PAX5: variants seen among roughly 807,000 people sequenced by gnomAD.
PAX5 encodes the protein paired box protein Pax-5.
A neutral mutation model predicts 43.7 loss-of-function variants in PAX5; 9 were observed. That is an observed-to-expected ratio of 0.21 (90% confidence interval 0.12 to 0.36). PAX5 has a LOEUF of 0.36. Among genes scored for constraint, PAX5 ranks in the 10% least tolerant of loss-of-function variants. The pLI is 1.00. For missense variants in PAX5, 383 were observed against 532.7 expected (o/e 0.72, Z 2.77); for synonymous variants, 228 against 214.3 (o/e 1.06, Z -0.56).
In PAX5 at chr9:36,852,817, T is replaced by C. The variant is rs548215401; in HGVS notation, c.1013-5888A>G. 5.9e-5 allele frequency among the ~76,000 whole-genome samples: 9 copies of C among 152,230 alleles called. No individual in the cohort carries two copies. In the South Asian group the frequency reaches 1.9e-3, roughly 32 times the overall value. The stretch of plus-strand genomic sequence containing the variant: ...ACTTTAGAGATACGTTCCCTCAACC[T>C]TTCCATCCCCAGGGTCTTCTAGCCA... On this transcript the variant is annotated intron_variant, in intron 8 of 9. Coordinates refer to ENST00000358127, the MANE Select transcript of PAX5 (RefSeq NM_016734.3).
At position 37,026,939 on chromosome 9, in the gene PAX5, C is replaced by A. The variant is rs149069315; in HGVS notation, c.47-6138G>T. Among the ~76,000 whole-genome samples the A allele has an allele frequency of 3.1e-3, 474 of 152,332 alleles. 1 individual carries two copies. The highest frequency in any genetic ancestry group is 0.018 in the East Asian group (95 of 5,168). On this transcript the variant is annotated intron_variant, in intron 1 of 9. Transcript: ENST00000358127. ...CGCCTCCGGGACAGCCAGCAGCCCC[C>A]GGCCCCAGGAAGGAGCAGCTTTGAG... is the stretch of plus-strand genomic sequence containing the variant.
chr9:36,856,988 G>T (rs1053794485), intron 8 of PAX5, among the ~76,000 whole-genome samples: 2 of 152,124 alleles, frequency 1.3e-5, no homozygotes, highest in South Asian at 4.1e-4. Flanking sequence ...AACCCACTTG[G>T]CCCCAGGTTC....
In PAX5 at chr9:36,950,742, T is replaced by C. The variant is rs12004247; in HGVS notation, c.780+15807A>G. 2.5e-4 allele frequency among the ~76,000 whole-genome samples: 34 copies of C among 134,118 alleles called. No individual in the cohort carries two copies. In the East Asian group the frequency reaches 2.7e-3, roughly 11 times the overall value. 88.0% of individuals were successfully genotyped at this position (134,118 alleles called of 152,430 possible). A position where few individuals can be genotyped will look rare whatever the true frequency, so the allele number is the denominator to read the frequency against. ...GCATATCCACTGAGTTTTCTTTTTT[T>C]TTTTTTTTTTTTTTTTGAGATGGAG... On this transcript the variant is annotated intron_variant, in intron 6 of 9. Coordinates refer to ENST00000358127, the MANE Select transcript of PAX5 (RefSeq NM_016734.3).
chr9:36,852,292 A>T (rs1823235406), intron 8 of PAX5, among the ~76,000 whole-genome samples: 1 of 152,214 alleles, frequency 6.6e-6, no homozygotes, highest in Admixed American at 6.5e-5. Context: ...ACAGAAAGAA[A>T]TACAGAGCTG....
At chr9:36,850,019 T>C (rs1200756050) in intron 8 of PAX5, among the ~76,000 whole-genome samples, 2 of 152,170 alleles carry the variant, frequency 1.3e-5, no homozygotes, top group Non-Finnish European at 2.9e-5. Context: ...GGGAACACTT[T>C]CTGGGAGTGG....
At chr9:37,020,414 G>T (rs1029505697) in intron 2 of PAX5, among the ~76,000 whole-genome samples, 2 of 152,152 alleles carry the variant, frequency 1.3e-5, no homozygotes, top group African/African-American at 2.4e-5. Context: ...CAGAAAACAT[G>T]TCTTCCCTCC....
chr9:36,846,581 T>C (rs2131589426), intron 9 of PAX5, among the ~76,000 whole-genome samples: 1 of 152,290 alleles, frequency 6.6e-6, no homozygotes, highest in South Asian at 2.1e-4. Context: ...TCAATGCCCC[T>C]TTTTTCCTCT....
intron 8 of PAX5, among the ~76,000 whole-genome samples, chr9:36,867,012 C>T: frequency 6.9e-6 from 1 of 144,824 alleles, no homozygotes. Context: ...TTTGCCGCTG[C>T]CCCCAGTGGC....
At chr9:36,929,110 T>G (rs1830898327) in intron 6 of PAX5, among the ~76,000 whole-genome samples, 1 of 152,090 alleles carries the variant, frequency 6.6e-6, no homozygotes, top group East Asian at 1.9e-4. Flanking sequence ...TTTTCCAAAC[T>G]TAACTTAGAT....
intron 6 of PAX5, 79 bp downstream of exon 6, chr9:36,966,470 C>G: frequency 6.7e-7 from 1 of 1,503,012 alleles, no homozygotes; most frequent in Non-Finnish European, 9.1e-7. Flanking sequence ...CACACCCCGC[C>G]AGATGCCTCT....
intron 1 of PAX5, among the ~76,000 whole-genome samples, chr9:37,031,654 C>T (rs1011745884): frequency 1.9e-4 from 29 of 152,146 alleles, no homozygotes; most frequent in African/African-American, 7.0e-4. Context: ...CTTACTCATG[C>T]TTTATGATCT....
intron 8 of PAX5, among the ~76,000 whole-genome samples, chr9:36,876,965 G>A (rs536407575): frequency 3.3e-5 from 5 of 152,232 alleles, no homozygotes; most frequent in Non-Finnish European, 7.3e-5. Flanking sequence ...CAGTGTGGCT[G>A]TGGAAGCATA....
chr9:36,918,415 C>A (rs1202352242), intron 7 of PAX5, among the ~76,000 whole-genome samples: 1 of 152,166 alleles, frequency 6.6e-6, no homozygotes, highest in Non-Finnish European at 1.5e-5. Flanking sequence ...GTAATCCCAG[C>A]ACTTTGGGAG....
At chr9:36,863,520 T>C (rs1291470456) in intron 8 of PAX5, among the ~76,000 whole-genome samples, 1 of 152,214 alleles carries the variant, frequency 6.6e-6, no homozygotes, top group Non-Finnish European at 1.5e-5. Flanking sequence ...CTTTCACCAA[T>C]GCAGAAGCCG....
chr9:36,912,474 C>G (rs578082569), intron 7 of PAX5, among the ~76,000 whole-genome samples: 31 of 152,362 alleles, frequency 2.0e-4, no homozygotes, highest in African/African-American at 7.5e-4. Flanking sequence ...ACATTCTCAA[C>G]TGCACACTGA....
At chr9:36,884,136 C>T (rs192109589) in intron 7 of PAX5, among the ~76,000 whole-genome samples, 1 of 152,172 alleles carries the variant, frequency 6.6e-6, no homozygotes, top group African/African-American at 2.4e-5. Context: ...CTAAGGAAAT[C>T]TTCCCAATTC....
chr9:36,929,654 G>T (rs896493674), intron 6 of PAX5, among the ~76,000 whole-genome samples: 4 of 152,230 alleles, frequency 2.6e-5, no homozygotes, highest in African/African-American at 9.6e-5. Context: ...GAACAGAAAT[G>T]AACTGAAGTC....
intron 8 of PAX5, among the ~76,000 whole-genome samples, chr9:36,871,342 G>C (rs939969729): frequency 6.6e-6 from 1 of 151,914 alleles, no homozygotes; most frequent in African/African-American, 2.4e-5. Context: ...GGATAAGAAG[G>C]CCTAAGGTTC....
chr9:36,851,757 C>T (rs6476588), intron 8 of PAX5, among the ~76,000 whole-genome samples: 70,858 of 151,986 alleles, frequency 0.47, 16,567 homozygotes, highest in East Asian at 0.54. Context: ...GGCAGATGGC[C>T]CACGATGGGA....
Sources: gnomAD v4.1 joint callset for allele counts (sites outside exome capture counted in the v4.1 genomes callset) on GRCh38, gnomAD v4.1.1 for gene constraint, MANE v1.5 for transcripts, NCBI Gene and HGNC (gene_info 2026-07-23, HGNC 2026-07-21) for gene names.